AFF3: variants seen among roughly 807,000 people sequenced by gnomAD.
AFF3 encodes AF4/FMR2 family member 3.
A neutral mutation model predicts 129.7 loss-of-function variants in AFF3; 32 were observed. The observed-to-expected ratio is 0.25, with a 90% CI of 0.19 to 0.33. AFF3 has a LOEUF of 0.33. AFF3 is among the 10% of genes least tolerant of loss of function. The pLI is 1.00. For synonymous variants in AFF3, 644 were observed against 635.4 expected, an observed-to-expected ratio of 1.01 and a Z score of -0.20; for missense variants, 1,373 against 1,592.0, an observed-to-expected ratio of 0.86 and a Z score of 2.34.
chr2:99,795,595 G>A (rs1462692450), intron 8 of AFF3, among the ~76,000 whole-genome samples: 3 of 152,032 alleles, frequency 2.0e-5, no homozygotes, highest in East Asian at 1.9e-4. Flanking sequence ...ATGATCACAG[G>A]AAAACTAGCA....
intron 15 of AFF3, among the ~76,000 whole-genome samples, chr2:99,588,354 T>G (rs1678333403): frequency 1.3e-5 from 2 of 152,080 alleles, no homozygotes; most frequent in Non-Finnish European, 2.9e-5. Context: ...TTTTTTGTAT[T>G]TTTTGTAGAG....
intron 12 of AFF3, among the ~76,000 whole-genome samples, chr2:99,668,435 G>A (rs1686869908): frequency 6.6e-6 from 1 of 152,034 alleles, no homozygotes; most frequent in South Asian, 2.1e-4. Context: ...CTCCCAAAGT[G>A]CTGGGATTAC....
chr2:99,649,769 T>G, intron 12 of AFF3, 103 bp from the exon 13 acceptor site: 1 of 1,348,384 alleles, frequency 7.4e-7, no homozygotes, highest in Non-Finnish European at 1.0e-6. Context: ...CACACATTTT[T>G]GCCATGTGGC....
intron 4 of AFF3, among the ~76,000 whole-genome samples, chr2:100,101,062 A>G (rs985167789): frequency 6.6e-6 from 1 of 152,200 alleles, no homozygotes; most frequent in Non-Finnish European, 1.5e-5. Context: ...AATTAGGGCC[A>G]TCCTTTTCAA....
chr2:99,915,833 A>G (rs1695438086), intron 7 of AFF3, among the ~76,000 whole-genome samples: 1 of 152,186 alleles, frequency 6.6e-6, no homozygotes, highest in Non-Finnish European at 1.5e-5. Flanking sequence ...ATTTTTAATT[A>G]TGGAATTGAA....
chr2:99,621,904 T>C (rs1682059718), intron 13 of AFF3, among the ~76,000 whole-genome samples: 1 of 152,036 alleles, frequency 6.6e-6, no homozygotes, highest in Non-Finnish European at 1.5e-5. Context: ...GAAGCTGAAA[T>C]AGACGCAGGC....
chr2:99,795,460 C>T (rs1421039999), intron 8 of AFF3, among the ~76,000 whole-genome samples: 1 of 152,060 alleles, frequency 6.6e-6, no homozygotes, highest in Non-Finnish European at 1.5e-5. Flanking sequence ...CTACATTATT[C>T]AGATGGTGGA....
intron 8 of AFF3, among the ~76,000 whole-genome samples, chr2:99,807,303 G>A (rs1686428338): frequency 6.6e-6 from 1 of 152,132 alleles, no homozygotes. Flanking sequence ...TGGTCTGTTG[G>A]CTCCCGAAGT....
chr2:99,691,814 T>C (rs1675695667), intron 11 of AFF3, among the ~76,000 whole-genome samples: 1 of 151,954 alleles, frequency 6.6e-6, no homozygotes, highest in Non-Finnish European at 1.5e-5. Context: ...GATCATAGGA[T>C]TAGGTCAGGA....
chr2:99,766,024 A>G (rs957725611), intron 8 of AFF3, among the ~76,000 whole-genome samples: 10 of 152,212 alleles, frequency 6.6e-5, no homozygotes, highest in Non-Finnish European at 1.2e-4. Flanking sequence ...CATGCTATAG[A>G]CTACCCTTGC....
intron 8 of AFF3, among the ~76,000 whole-genome samples, chr2:99,788,910 T>C (rs116644716): frequency 7.2e-5 from 11 of 152,312 alleles, no homozygotes; most frequent in African/African-American, 1.4e-4. Flanking sequence ...TGTGGCACGA[T>C]TGCCTATAGC....
At chr2:99,988,401 A>G (rs1680055806) in intron 7 of AFF3, among the ~76,000 whole-genome samples, 1 of 152,174 alleles carries the variant, frequency 6.6e-6, no homozygotes, top group Admixed American at 6.5e-5. Flanking sequence ...CTGAGTAGCT[A>G]AAGTATAGTG....
chr2:99,675,008 TGTGAG>T (rs1345717707), intron 11 of AFF3, among the ~76,000 whole-genome samples: 2 of 152,210 alleles, frequency 1.3e-5, no homozygotes, highest in Non-Finnish European at 2.9e-5. Flanking sequence ...CACAATCTTG[TGTGAG>T]GTGCACCTCT....
At chr2:99,741,013 T>C (rs1018767074) in intron 10 of AFF3, among the ~76,000 whole-genome samples, 6 of 152,252 alleles carry the variant, frequency 3.9e-5, no homozygotes, top group Admixed American at 2.0e-4. Flanking sequence ...TTCAGCTTTC[T>C]ACATATGGTT....
chr2:99,705,489 A>G (rs1406668662), intron 11 of AFF3, among the ~76,000 whole-genome samples: 1 of 152,052 alleles, frequency 6.6e-6, no homozygotes, highest in African/African-American at 2.4e-5. Flanking sequence ...CAAGCTAGAA[A>G]TAAGTTTAAG....
intron 8 of AFF3, among the ~76,000 whole-genome samples, chr2:99,833,046 CTCTT>C (rs1430737891): frequency 6.6e-6 from 1 of 152,198 alleles, no homozygotes; most frequent in African/African-American, 2.4e-5. Context: ...AACAAGTTAT[CTCTT>C]TGTTCTCTAC....
intron 11 of AFF3, among the ~76,000 whole-genome samples, chr2:99,702,683 A>G (rs1676979232): frequency 6.6e-6 from 1 of 152,144 alleles, no homozygotes; most frequent in Non-Finnish European, 1.5e-5. Flanking sequence ...GTATCTTTTC[A>G]TGTGCTTATT....
rs1235273315 is a variant in AFF3, at chr2:100,104,712, A to T, written c.-64-194T>A. ...CAGGCACACTCAAGAGAGAGCAGCGAGCTCGCCGCGCCGCCGCCGCCCCCC... is the reference window on the plus strand; with the variant it reads ...CAGGCACACTCAAGAGAGAGCAGCGTGCTCGCCGCGCCGCCGCCGCCCCCC... On this transcript the variant is annotated intron_variant, in intron 3 of 24. Coordinates refer to ENST00000672756, the MANE Select transcript of AFF3 (RefSeq NM_001386135.1). 2.1e-6 allele frequency: 2 copies of T among 949,704 alleles called. 1 individual carries two copies. Among genetic ancestry groups the T allele is most frequent in the East Asian group, 2.8e-4 (2 of 7,018 alleles). The allele number at this position is 949,704 out of a possible 1,614,324, so 58.8% of individuals were successfully genotyped here. A position where few individuals can be genotyped will look rare whatever the true frequency, so the allele number is the denominator to read the frequency against.
intron 4 of AFF3, among the ~76,000 whole-genome samples, chr2:100,026,895 A>AT (rs1559069190): frequency 6.6e-6 from 1 of 151,458 alleles, no homozygotes; most frequent in Non-Finnish European, 1.5e-5. Flanking sequence ...ACAAAAAGGC[A>AT]TAAGAATGAT....
Sources: allele counts gnomAD v4.1 joint callset (sites outside exome capture counted in the v4.1 genomes callset), GRCh38; gene constraint gnomAD v4.1.1; transcripts MANE v1.5; gene names NCBI Gene and HGNC (gene_info 2026-07-23, HGNC 2026-07-21).